Variants in BPTF observed in about 807,000 individuals in gnomAD.
BPTF encodes the protein bromodomain PHD finger transcription factor.
Under a neutral mutation model 292.5 loss-of-function variants are expected in BPTF, and 18 were observed. The observed-to-expected ratio is 0.06, with a 90% confidence interval of 0.04 to 0.09. The LOEUF (loss-of-function observed/expected upper bound fraction) is 0.09. Ranked by LOEUF, BPTF falls within the 10% of genes least tolerant of loss-of-function variation. BPTF has a pLI of 1.00. For missense variants in BPTF, 2,726 were observed against 3,498.7 expected (o/e 0.78, Z 5.57); for synonymous variants, 1,225 against 1,251.9 (o/e 0.98, Z 0.45).
intron 20 of BPTF, 28 bp downstream of exon 20, chr17:67,944,400 C>T (rs782787976): frequency 1.4e-5 from 22 of 1,604,134 alleles, no homozygotes; most frequent in East Asian, 2.2e-5. Context: ...TCGGAAATGT[C>T]GGATGTTACT....
intron 1 of BPTF, among the ~76,000 whole-genome samples, chr17:67,842,835 A>AAAAAAAAAAAAT: frequency 6.6e-6 from 1 of 150,772 alleles, no homozygotes; most frequent in Non-Finnish European, 1.5e-5. Context: ...AAAAAAAAAA[A>AAAAAAAAAAAAT]AAAAGACATT....
At chr17:67,926,316 C>CTTTTTT (rs869295387) in intron 15 of BPTF, among the ~76,000 whole-genome samples, 3 of 83,856 alleles carry the variant, frequency 3.6e-5, no homozygotes, top group Non-Finnish European at 4.6e-5. Flanking sequence ...TAATATACTA[C>CTTTTTT]TTTTTTTTTT....
chr17:67,829,650 T>C (rs1305156466), intron 1 of BPTF, among the ~76,000 whole-genome samples: 3 of 151,910 alleles, frequency 2.0e-5, no homozygotes, highest in Non-Finnish European at 4.4e-5. Context: ...AGAAAAAAAG[T>C]TTTAGAACTG....
intron 2 of BPTF, among the ~76,000 whole-genome samples, chr17:67,864,310 T>C (rs1302313815): frequency 1.3e-5 from 2 of 152,006 alleles, no homozygotes; most frequent in Non-Finnish European, 2.9e-5. Flanking sequence ...GCGGATTGCT[T>C]GAGGCCAGAC....
At chr17:67,834,484 G>A (rs1219824794) in intron 1 of BPTF, among the ~76,000 whole-genome samples, 1 of 152,020 alleles carries the variant, frequency 6.6e-6, no homozygotes, top group Admixed American at 6.6e-5. Flanking sequence ...TTGTTCTGTT[G>A]ATTACTGAGA....
chr17:67,929,692 CATT>C (rs1159399779), intron 17 of BPTF, among the ~76,000 whole-genome samples: 3 of 152,086 alleles, frequency 2.0e-5, no homozygotes, highest in Admixed American at 2.0e-4. Context: ...GTTAATGACA[CATT>C]AGTATGGTTT....
At chr17:67,956,202 C>G (rs1377171460) in intron 23 of BPTF, 1 of 150,942 alleles carries the variant, frequency 6.6e-6, no homozygotes, top group Non-Finnish European at 1.5e-5. Flanking sequence ...GCCTGTAGTC[C>G]CAGCTACTCG....
intron 1 of BPTF, among the ~76,000 whole-genome samples, chr17:67,850,246 A>G (rs1336296059): frequency 6.6e-6 from 1 of 152,192 alleles, no homozygotes; most frequent in Admixed American, 6.5e-5. Context: ...CGTTAAGGAG[A>G]TTATATTCTA....
chr17:67,926,058 A>AGT (rs1418490999), intron 15 of BPTF, among the ~76,000 whole-genome samples: 1 of 112,676 alleles, frequency 8.9e-6, no homozygotes, highest in Non-Finnish European at 1.6e-5. Flanking sequence ...AGGCTGCTGG[A>AGT]GTGCAGTGGC....
intron 4 of BPTF, among the ~76,000 whole-genome samples, chr17:67,881,883 T>TTGAGACAGGGTC (rs2060447329): frequency 7.7e-6 from 1 of 129,098 alleles, no homozygotes; most frequent in Admixed American, 8.2e-5. Context: ...TTTTTTTTTT[T>TTGAGACAGGGTC]TGAGACAGGG....
At chr17:67,866,294 C>A (rs2059387556) in intron 2 of BPTF, among the ~76,000 whole-genome samples, 170 bp from the exon 3 acceptor site, 1 of 151,988 alleles carries the variant, frequency 6.6e-6, no homozygotes, top group Admixed American at 6.6e-5. Context: ...TTTTAGATAT[C>A]ATTTCTCAGA....
chr17:67,926,672 G>A (rs1163856289), intron 15 of BPTF, among the ~76,000 whole-genome samples: 1 of 152,068 alleles, frequency 6.6e-6, no homozygotes, highest in Non-Finnish European at 1.5e-5. Context: ...TATGAATATA[G>A]CTAACACTTC....
chr17:67,966,670 T>C lies in BPTF; in HGVS notation c.8539+14T>C. 2 of 1,486,480 alleles carry C rather than the reference T, an allele frequency of 1.3e-6. No individual in the cohort carries two copies. The highest frequency in any genetic ancestry group is 1.3e-5 in the South Asian group (1 of 74,564). 92.1% of individuals were successfully genotyped at this position (1,486,480 alleles called of 1,614,324 possible). On this transcript the variant is annotated intron_variant, in intron 26 of 27. Transcript: ENST00000306378. ...AGGAACCTATGGGTAAGTACATGAG[T>C]TGAATATGAAGTTTTTCAGAAGTCT...
chr17:67,944,060 G>T (rs1033103683), intron 19 of BPTF, 90 bp from the exon 20 acceptor site: 26 of 956,258 alleles, frequency 2.7e-5, no homozygotes, highest in Middle Eastern at 2.4e-4. Context: ...TATATTAAAA[G>T]ATAATTACAC....
intron 2 of BPTF, among the ~76,000 whole-genome samples, chr17:67,857,182 G>A (rs1310380377): frequency 2.5e-5 from 3 of 122,210 alleles, no homozygotes; most frequent in Non-Finnish European, 1.6e-5. Context: ...TTGAGACAGA[G>A]TCTTGCTCTG....
intron 9 of BPTF, among the ~76,000 whole-genome samples, chr17:67,907,302 C>A (rs1347531796): frequency 2.1e-5 from 3 of 141,504 alleles, no homozygotes; most frequent in East Asian, 2.1e-4. Context: ...TAAAACTACA[C>A]AAATACAAAG....
chr17:67,978,321 CAG>C (rs1302399768), intron 27 of BPTF, among the ~76,000 whole-genome samples: 2 of 139,214 alleles, frequency 1.4e-5, no homozygotes, highest in Admixed American at 7.5e-5. Context: ...TTTTTTGAGA[CAG>C]AGTCTCACTC....
intron 23 of BPTF, 47 bp downstream of exon 23, chr17:67,948,353 A>C (rs2065967435): frequency 6.7e-7 from 1 of 1,502,452 alleles, no homozygotes; most frequent in East Asian, 2.3e-5. Flanking sequence ...TTAACATCTG[A>C]GGTTCTGCTT....
intron 1 of BPTF, among the ~76,000 whole-genome samples, chr17:67,831,228 T>C (rs924340649): frequency 6.6e-6 from 1 of 152,136 alleles, no homozygotes; most frequent in Non-Finnish European, 1.5e-5. Flanking sequence ...CCTTGACACA[T>C]AGATGTGTAG....
Sources: allele counts gnomAD v4.1 joint callset (sites outside exome capture counted in the v4.1 genomes callset), GRCh38; gene constraint gnomAD v4.1.1; transcripts MANE v1.5; gene names NCBI Gene and HGNC (gene_info 2026-07-23, HGNC 2026-07-21).